CFAP74: variants seen among roughly 807,000 people sequenced by gnomAD.
CFAP74 encodes cilia- and flagella-associated protein 74.
Under a neutral mutation model 188.9 loss-of-function variants are expected in CFAP74, and 124 were observed. The observed-to-expected ratio is 0.66, with a 90% confidence interval of 0.57 to 0.76. The LOEUF (loss-of-function observed/expected upper bound fraction) is 0.76. CFAP74 is among the 30% of genes least tolerant of loss of function. CFAP74 has a pLI of 0.00. For missense variants in CFAP74, 2,198 were observed against 2,165.2 expected (o/e 1.02, Z -0.30); for synonymous variants, 956 against 916.7 (o/e 1.04, Z -0.77).
chr1:1,993,566 G>C (rs539492642), intron 1 of CFAP74, among the ~76,000 whole-genome samples: 10 of 151,960 alleles, frequency 6.6e-5, no homozygotes, highest in Admixed American at 1.3e-4. Context: ...AACTAGAGGC[G>C]TGAGCCACCG....
At chr1:1,957,728 C>T (rs556446330) in intron 16 of CFAP74, among the ~76,000 whole-genome samples, 1 of 152,196 alleles carries the variant, frequency 6.6e-6, no homozygotes, top group East Asian at 1.9e-4. Flanking sequence ...TGCCGGGCTC[C>T]CAGGCTGAGC....
chr1:2,002,307 T>A (rs770406063), intron 1 of CFAP74, among the ~76,000 whole-genome samples: 1 of 151,820 alleles, frequency 6.6e-6, no homozygotes, highest in Non-Finnish European at 1.5e-5. Context: ...ATATATATTA[T>A]TAAACTTATA....
Position 1,930,290 on chromosome 1 carries a change from C to T in CFAP74, c.3058G>A (p.Glu1020Lys). 1 of 1,534,210 alleles carries T rather than the reference C, an allele frequency of 6.5e-7. No individual in the cohort carries two copies. The highest frequency in any genetic ancestry group is 8.7e-7 in the Non-Finnish European group (1 of 1,145,508). ...CRAVGVHPPL[E>K]LSHYQIKFAA... The stretch of plus-strand genomic sequence containing the variant: ...AACTTGATCTGGTAGTGGGACAGCT[C>T]CAGGGGTGGGTGGACGCCTACAGCC... The change falls in exon 26 of 39, where the codon GAG (glutamate) becomes AAG (lysine). Residue 1020 changes from glutamate (E) to lysine (K), a missense_variant. Coordinates refer to ENST00000682832, the MANE Select transcript of CFAP74 (RefSeq NM_001304360.2).
intron 11 of CFAP74, among the ~76,000 whole-genome samples, chr1:1,967,692 C>G (rs537618832): frequency 6.6e-6 from 1 of 152,160 alleles, no homozygotes; most frequent in Non-Finnish European, 1.5e-5. Flanking sequence ...AGCAGGGCAT[C>G]GGTTGCAGCA....
At chr1:1,965,863 T>C (rs1269882122) in intron 12 of CFAP74, among the ~76,000 whole-genome samples, 1 of 152,170 alleles carries the variant, frequency 6.6e-6, no homozygotes, top group Non-Finnish European at 1.5e-5. Flanking sequence ...GGCATTGCCC[T>C]CCCACGTGGG....
chr1:1,985,626 C>T lies in CFAP74; in HGVS notation c.396-136G>A, dbSNP rs1657186780. 20 of 684,930 alleles carry T rather than the reference C, an allele frequency of 2.9e-5. No homozygotes were observed. In the South Asian group the frequency reaches 3.2e-4, roughly 11 times the overall value. 42.4% of individuals were successfully genotyped at this position (684,930 alleles called of 1,614,324 possible). On this transcript the variant is annotated intron_variant, in intron 5 of 38. Transcript: ENST00000682832. ...GCACTGGGCCACCTAGCCAATGGAG[C>T]GTGGGGCTGGCGGGAGGCTCTCCAC...
intron 18 of CFAP74, chr1:1,953,983 A>C (rs1195310871): frequency 6.6e-6 from 1 of 152,204 alleles, no homozygotes; most frequent in Non-Finnish European, 1.5e-5. Context: ...GTGCATGAAG[A>C]GCTCCTATGA....
Position 1,968,513 on chromosome 1 carries a change from C to T in CFAP74, c.1245+122G>A. 1 of 812,766 alleles carries T rather than the reference C, an allele frequency of 1.2e-6. No homozygotes were observed. Among genetic ancestry groups the T allele is most frequent in the Non-Finnish European group, 2.0e-6 (1 of 491,486 alleles). The allele number at this position is 812,766 out of a possible 1,614,324, so 50.3% of individuals were successfully genotyped here. ...GGCGGCCACTCAGCGGGCTCAGCAA[C>T]CCCCTGCAGGTGGCCATGGTGCTGA... On this transcript the variant is annotated intron_variant, in intron 11 of 38. Transcript: ENST00000682832. The surrounding 1 kb of genome is among the most constrained non-coding windows in gnomAD (Gnocchi z 4.3).
In CFAP74 at chr1:1,940,697, C is replaced by T. The variant is rs112817372; in HGVS notation, c.2616-294G>A. Among the ~76,000 whole-genome samples, 346 of 152,292 alleles carry T rather than the reference C, an allele frequency of 2.3e-3. 1 individual carries two copies. The highest frequency in any genetic ancestry group is 8.0e-3 in the African/African-American group (331 of 41,558). ...AAATAAACAGGAATAAATTCAATAGCCATGTTTCAAATTAATATGGAGTTT... is the reference window on the plus strand; with the variant it reads ...AAATAAACAGGAATAAATTCAATAGTCATGTTTCAAATTAATATGGAGTTT... On this transcript the variant is annotated intron_variant, in intron 22 of 38. Coordinates refer to ENST00000682832, the MANE Select transcript of CFAP74 (RefSeq NM_001304360.2).
At chr1:1,993,929 C>T (rs1006447292) in intron 1 of CFAP74, among the ~76,000 whole-genome samples, 3 of 150,900 alleles carry the variant, frequency 2.0e-5, no homozygotes, top group African/African-American at 4.9e-5. Flanking sequence ...TTGCAGTGAG[C>T]CGAGATCACA....
intron 6 of CFAP74, among the ~76,000 whole-genome samples, chr1:1,982,433 G>A (rs1656962393): frequency 6.6e-6 from 1 of 152,228 alleles, no homozygotes; most frequent in African/African-American, 2.4e-5. Flanking sequence ...ACAGACACGG[G>A]GACACGCATA....
chr1:1,995,155 G>A (rs1657848607), intron 1 of CFAP74, among the ~76,000 whole-genome samples: 1 of 152,148 alleles, frequency 6.6e-6, no homozygotes, highest in Non-Finnish European at 1.5e-5. Flanking sequence ...GCATCACACT[G>A]AAAATCATCA....
chr1:1,988,920 C>A lies in CFAP74; in HGVS notation c.121G>T (p.Ala41Ser). 6.3e-7 allele frequency: 1 copy of A among 1,579,238 alleles called. No homozygotes were observed. Among genetic ancestry groups the A allele is most frequent in the Non-Finnish European group, 8.6e-7 (1 of 1,162,694 alleles). ...TGTCCCGGGTCCACGTCATCCTCAG[C>A]TTCCTGTAGAAGACATTTGATGTCA... ...EFDIKCLLQE[A>S]EDDVDPGHSS... The change falls in exon 3 of 39, where the codon GCT becomes TCT. Residue 41 changes from alanine (A) to serine (S), a missense_variant. Ala to Ser is a moderately conservative substitution (Grantham distance 99). Transcript: ENST00000682832.
chr1:1,955,998 C>G (rs1014353136), intron 17 of CFAP74, 148 bp from the exon 18 acceptor site: 1 of 1,370,994 alleles, frequency 7.3e-7, no homozygotes, highest in Non-Finnish European at 9.6e-7. Context: ...GCTGCCTGCT[C>G]TCGTCTCACC....
intron 25 of CFAP74, among the ~76,000 whole-genome samples, chr1:1,934,312 ACACGTGGGTGTTAGGTTGTAGG>A (rs1557996125): frequency 7.3e-6 from 1 of 137,090 alleles, no homozygotes; most frequent in East Asian, 2.3e-4. Context: ...ACACAGGTGT[ACACGTGGGTGTTAGGTTGTAGG>A]TACACAGGTG....
intron 6 of CFAP74, 52 bp downstream of exon 6, chr1:1,985,334 C>A: frequency 6.7e-7 from 1 of 1,491,380 alleles, no homozygotes; most frequent in Non-Finnish European, 9.3e-7. Flanking sequence ...GGGAAGGACT[C>A]GCACCGTTCT....
chr1:1,933,118 C>T (rs995380981), intron 25 of CFAP74, among the ~76,000 whole-genome samples: 13 of 151,710 alleles, frequency 8.6e-5, no homozygotes, highest in Admixed American at 5.9e-4. Flanking sequence ...GATCTCCTGA[C>T]CTCGTGATCT....
Position 1,922,008 on chromosome 1 carries a change from C to T in CFAP74, c.*279G>A. 2.2e-6 allele frequency: 1 copy of T among 453,514 alleles called. No homozygotes were observed. Among genetic ancestry groups the T allele is most frequent in the East Asian group, 4.3e-5 (1 of 23,260 alleles). 28.1% of individuals were successfully genotyped at this position (453,514 alleles called of 1,614,324 possible). A position where few individuals can be genotyped will look rare whatever the true frequency, so the allele number is the denominator to read the frequency against. Reference sequence around the variant, plus strand: ...AGGCTGTGGAGGGCTCTCCTGGGGGCTGGGGGCTCTGAGGGGGTCTGGCTA... The same window carrying T: ...AGGCTGTGGAGGGCTCTCCTGGGGGTTGGGGGCTCTGAGGGGGTCTGGCTA... On this transcript the variant is annotated 3_prime_UTR_variant, in exon 39 of 39. Coordinates refer to ENST00000682832, the MANE Select transcript of CFAP74 (RefSeq NM_001304360.2).
intron 6 of CFAP74, among the ~76,000 whole-genome samples, chr1:1,976,419 A>C (rs1277068452): frequency 6.6e-6 from 1 of 152,108 alleles, no homozygotes; most frequent in East Asian, 1.9e-4. Context: ...CATGGGAGAC[A>C]CGGCTCCTTC....
Sources: allele counts gnomAD v4.1 joint callset (sites outside exome capture counted in the v4.1 genomes callset), GRCh38; gene constraint gnomAD v4.1.1; non-coding constraint Gnocchi (gnomAD v3.1); transcripts MANE v1.5; gene names NCBI Gene and HGNC (gene_info 2026-07-23, HGNC 2026-07-21).